Variants in GLI1 observed in about 807,000 individuals in gnomAD.
GLI1 encodes GLI family zinc finger 1.
GLI1 carries 51 observed loss-of-function variants against 87.8 expected under a neutral mutation model. The ratio of observed to expected loss-of-function variants is 0.58; its 90% CI spans 0.46 to 0.73. The LOEUF (loss-of-function observed/expected upper bound fraction) is 0.73, where lower values mean the gene tolerates loss of function less well. Ranked by LOEUF, GLI1 falls within the 30% of genes least tolerant of loss-of-function variation. The pLI, the probability that GLI1 is intolerant of heterozygous loss-of-function variation, is 0.00. For synonymous variants in GLI1, 528 were observed against 558.2 expected, an observed-to-expected ratio of 0.95 and a Z score of 0.76; for missense variants, 1,292 against 1,437.2, an observed-to-expected ratio of 0.90 and a Z score of 1.63.
intron 4 of GLI1, 92 bp from the exon 5 acceptor site, chr12:57,465,019 C>T: frequency 7.1e-7 from 1 of 1,410,360 alleles, no homozygotes; most frequent in Non-Finnish European, 1.0e-6. Context: ...TCAACCACTA[C>T]AAATCCCAAG....
In GLI1 at chr12:57,464,716, GAAGCGGGCA is replaced by G. The variant is rs1871359660; in HGVS notation, c.238_246del (p.Lys80_Ala82del). 1.9e-6 allele frequency: 3 copies of G among 1,614,114 alleles called. No individual in the cohort carries two copies. The highest frequency in any genetic ancestry group is 2.5e-6 in the Non-Finnish European group (3 of 1,180,006). The stretch of plus-strand genomic sequence containing the variant: ...CCCGGAGTGCAGTCAAGTTGACCAA[GAAGCGGGCA>G]CTGTCCATCTCACCTCTGTCGGATG... On this transcript the variant is annotated inframe_deletion, in exon 4 of 12. Transcript: ENST00000228682.
rs1871006951 is a variant in GLI1, at chr12:57,459,834, G to T, written c.-395G>T. Among the ~76,000 whole-genome samples the T allele has an allele frequency of 6.6e-6, 1 of 151,416 alleles. No individual in the cohort carries two copies. The highest frequency in any genetic ancestry group is 2.1e-4 in the South Asian group (1 of 4,758). On this transcript the variant is annotated 5_prime_UTR_variant, in exon 1 of 12. Transcript: ENST00000228682. Reference sequence around the variant, plus strand: ...GGAGGGGGAGGATCCTGGGGGTCCTGGGGGTGCAATAAGCCCGGCACCCCT... The same window carrying T: ...GGAGGGGGAGGATCCTGGGGGTCCTTGGGGTGCAATAAGCCCGGCACCCCT...
chr12:57,470,028 CAAACA>C (rs575159204), intron 11 of GLI1, among the ~76,000 whole-genome samples: 7 of 152,082 alleles, frequency 4.6e-5, no homozygotes, highest in Non-Finnish European at 7.4e-5. Context: ...AACTCTGTTT[CAAACA>C]AAACAAAACA....
In GLI1 at chr12:57,468,088, C is replaced by T; in HGVS notation, c.1172C>T (p.Ala391Val). Residue 391 changes from alanine to valine, a missense_variant, in exon 10 of 12, where the codon GCC (alanine) becomes GTC (valine). Physicochemically the swap from Ala to Val is moderately conservative, Grantham distance 64. Coordinates refer to ENST00000228682, the MANE Select transcript of GLI1 (RefSeq NM_005269.3). ...KHVKTVHGPD[A>V]HVTKRHRGDG... ...GTCAAGACAGTGCATGGTCCTGACG[C>T]CCATGTGACCAAACGGCACCGTGGG... The T allele has an allele frequency of 6.2e-7, 1 of 1,614,004 alleles. No homozygotes were observed. Among genetic ancestry groups the T allele is most frequent in the South Asian group, 1.1e-5 (1 of 91,088 alleles).
In GLI1 at chr12:57,471,767, C is replaced by T; in HGVS notation, c.3027C>T (p.Pro1009=). ...CTCTCAAAGTGGGAGGCACAAACCC[C>T]AGCTGTGGTCATCCTGAGGTGGGCA... The part of the protein sequence containing the change: ...YGPLKVGGTN[P]SCGHPEVGRL... Residue 1009 remains proline (P), a synonymous_variant, in exon 12 of 12, where the codon CCC becomes CCT. Coordinates refer to ENST00000228682, the MANE Select transcript of GLI1 (RefSeq NM_005269.3). This position sits in a 1 kb window ranked among gnomAD's most constrained non-coding sequence, Gnocchi z 4.9. The T allele has an allele frequency of 6.4e-7, 1 of 1,566,920 alleles. No homozygotes were observed. Among genetic ancestry groups the T allele is most frequent in the Non-Finnish European group, 8.6e-7 (1 of 1,156,178 alleles).
At chr12:57,465,987 ATGGT>A (rs1210931763) in intron 7 of GLI1, 62 bp downstream of exon 7, 10 of 1,494,186 alleles carry the variant, frequency 6.7e-6, no homozygotes, top group Non-Finnish European at 9.3e-6. Flanking sequence ...TGAGTGGGAC[ATGGT>A]GGAATCCGGC....
In GLI1 at chr12:57,463,652, T is replaced by C. The variant is rs751760618; in HGVS notation, c.-27-13T>C. 1 of 1,197,666 alleles carries C rather than the reference T, an allele frequency of 8.3e-7. No homozygotes were observed. The highest frequency in any genetic ancestry group is 1.2e-6 in the Non-Finnish European group (1 of 803,228). 74.2% of individuals were successfully genotyped at this position (1,197,666 alleles called of 1,614,324 possible). ...ATTTCCTCCACCTTTATACCTACCTTCCCTTTCTGCAGTGTCCCCACACCC... is the reference window on the plus strand; with the variant it reads ...ATTTCCTCCACCTTTATACCTACCTCCCCTTTCTGCAGTGTCCCCACACCC... On this transcript the variant is annotated splice_polypyrimidine_tract_variant and intron_variant, in intron 1 of 11. Transcript: ENST00000228682.
At chr12:57,462,953 C>G (rs1276010980) in intron 1 of GLI1, among the ~76,000 whole-genome samples, 2 of 152,174 alleles carry the variant, frequency 1.3e-5, no homozygotes, top group South Asian at 2.1e-4. Context: ...ATCCATCACA[C>G]GAGTTCTCCC....
chr12:57,469,690 C>T lies in GLI1; in HGVS notation c.1568C>T (p.Ser523Phe). ...GTRGLKLPSL[S>F]HTGTTVSRRV... ...CGGGGTCTCAAACTGCCCAGCTTGT[C>T]CCACACCGGTGAGACCTGGGTGTGG... The change falls in exon 11 of 12, where the codon TCC becomes TTC. Residue 523 changes from serine to phenylalanine, a missense_variant. Around this residue, in one of 3 missense-constraint regions of GLI1, gnomAD observed 897 missense variants for 1,040.7 expected, o/e 0.86. Coordinates refer to ENST00000228682, the MANE Select transcript of GLI1 (RefSeq NM_005269.3). 1.9e-6 allele frequency: 3 copies of T among 1,613,312 alleles called. No individual in the cohort carries two copies. The highest frequency in any genetic ancestry group is 2.5e-6 in the Non-Finnish European group (3 of 1,179,908).
At chr12:57,466,476 A>G (rs1181427151) in intron 8 of GLI1, 87 bp downstream of exon 8, 1 of 941,094 alleles carries the variant, frequency 1.1e-6, no homozygotes, top group Non-Finnish European at 1.6e-6. Context: ...TTTTGCTTTT[A>G]TAAGTCCTTT....
chr12:57,467,335 T>TGAAGGGTG lies in GLI1; in HGVS notation c.916_923dup (p.Cys308TrpfsTer14). ...TTTGACCCCTGCATGTCCCCCAGTT[T>TGAAGGGTG]GAAGGGTGCCGGAAGTCATACTCAC... On this transcript the variant is annotated frameshift_variant, in exon 9 of 12. Coordinates refer to ENST00000228682, the MANE Select transcript of GLI1 (RefSeq NM_005269.3). LOFTEE classifies it high-confidence loss of function. 1.9e-6 allele frequency: 3 copies of TGAAGGGTG among 1,603,712 alleles called. No homozygotes were observed. Among genetic ancestry groups the TGAAGGGTG allele is most frequent in the Non-Finnish European group, 2.6e-6 (3 of 1,171,816 alleles).
rs1304620172 is a variant in GLI1 at position 57,465,711 on chromosome 12, A to C, written c.624+15A>C. 6.2e-7 allele frequency: 1 copy of C among 1,613,296 alleles called. No homozygotes were observed. The highest frequency in any genetic ancestry group is 1.1e-5 in the South Asian group (1 of 91,066). On this transcript the variant is annotated intron_variant, in intron 6 of 11. Transcript: ENST00000228682. Reference sequence around the variant, plus strand: ...CAGGCATACAGGTAAGGGGATGGGCAGGAGCTTTACCTCTGGGACCTGAGC... The same window carrying C: ...CAGGCATACAGGTAAGGGGATGGGCCGGAGCTTTACCTCTGGGACCTGAGC...
intron 1 of GLI1, among the ~76,000 whole-genome samples, chr12:57,462,965 T>C (rs1333451474): frequency 6.6e-6 from 1 of 152,052 alleles, no homozygotes; most frequent in East Asian, 1.9e-4. Context: ...AGTTCTCCCA[T>C]CCCACCCTCA....
At chr12:57,466,797 G>A (rs1358332952) in intron 8 of GLI1, among the ~76,000 whole-genome samples, 1 of 152,098 alleles carries the variant, frequency 6.6e-6, no homozygotes, top group Non-Finnish European at 1.5e-5. Flanking sequence ...CCTGCTACTT[G>A]GGAGGATGAG....
rs1224828144 is a variant in GLI1 at position 57,471,123 on chromosome 12, G to C, written c.2383G>C (p.Ala795Pro). The part of the protein sequence containing the change: ...SHSGLYPGPK[A>P]LGGTYSQCPR... ...CTCTGGGCTGTACCCAGGCCCCAAG[G>C]CTCTAGGTGGAACCTACAGCCAGTG... Residue 795 changes from alanine (A) to proline (P), a missense_variant, in exon 12 of 12, where the codon GCT becomes CCT. This residue lies in a region of GLI1 where 897 missense variants were observed against 1,040.7 expected (regional missense o/e 0.86). Transcript: ENST00000228682. The surrounding 1 kb of genome is among the most constrained non-coding windows in gnomAD (Gnocchi z 4.9). 2 of 1,613,178 alleles carry C rather than the reference G, an allele frequency of 1.2e-6. No individual in the cohort carries two copies. The highest frequency in any genetic ancestry group is 1.7e-6 in the Non-Finnish European group (2 of 1,179,710).
rs1280840980 is a variant in GLI1, at chr12:57,470,304, C to T, written c.1577-13C>T. 6.5e-7 allele frequency: 1 copy of T among 1,531,208 alleles called. No individual in the cohort carries two copies. The highest frequency in any genetic ancestry group is 1.9e-4 in the Middle Eastern group (1 of 5,268). 94.9% of individuals were successfully genotyped at this position (1,531,208 alleles called of 1,614,324 possible). On this transcript the variant is annotated splice_polypyrimidine_tract_variant and intron_variant, in intron 11 of 11. Transcript: ENST00000228682. ...TCCTTGACCATCCTACCTTTTCTCC[C>T]CATCACTTGCAGGTACCACTGTGTC...
rs752275003 is a variant in GLI1 at position 57,471,685 on chromosome 12, C to T, written c.2945C>T (p.Ser982Leu). 4.4e-6 allele frequency: 7 copies of T among 1,605,120 alleles called. No individual in the cohort carries two copies. In the African/African-American group the frequency reaches 9.4e-5, roughly 21 times the overall value. ...TTTGTAGTGGGGGCAAATAGGGCTT[C>T]ACATAGGGCAGCAGCACCACCTCGA... ...ENFVVGANRA[S>L]HRAAAPPRLL... The change falls in exon 12 of 12, where the codon TCA becomes TTA. Residue 982 changes from serine to leucine, a missense_variant. Around this residue, in one of 3 missense-constraint regions of GLI1, gnomAD observed 897 missense variants for 1,040.7 expected, o/e 0.86. Transcript: ENST00000228682. The surrounding 1 kb of genome is among the most constrained non-coding windows in gnomAD (Gnocchi z 4.9).
At chr12:57,468,903 C>T (rs1871681623) in intron 10 of GLI1, among the ~76,000 whole-genome samples, 1 of 152,168 alleles carries the variant, frequency 6.6e-6, no homozygotes, top group Non-Finnish European at 1.5e-5. Context: ...AGGCGCCTGC[C>T]ACCACGCCGG....
Position 57,471,396 on chromosome 12 carries a change from C to T in GLI1, c.2656C>T (p.Pro886Ser). The change falls in exon 12 of 12, where the codon CCC becomes TCC. Residue 886 changes from proline (P) to serine (S), a missense_variant. Transcript: ENST00000228682. This position sits in a 1 kb window ranked among gnomAD's most constrained non-coding sequence, Gnocchi z 4.9. ...EPRPCLDFDS[P>S]THSTGQLKAQ... ...CAGGCCTTGCCTGGACTTTGATTCC[C>T]CCACCCATTCCACAGGGCAGCTCAA... The T allele has an allele frequency of 1.2e-6, 2 of 1,613,150 alleles. No homozygotes were observed. Among genetic ancestry groups the T allele is most frequent in the South Asian group, 1.1e-5 (1 of 91,024 alleles).
Sources: allele counts gnomAD v4.1 joint callset (sites outside exome capture counted in the v4.1 genomes callset), GRCh38; gene constraint gnomAD v4.1.1; regional missense constraint gnomAD v4.1.1; non-coding constraint Gnocchi (gnomAD v3.1); transcripts MANE v1.5; gene names NCBI Gene and HGNC (gene_info 2026-07-23, HGNC 2026-07-21).